Variants in NDUFA5 observed in about 807,000 individuals in gnomAD.
NDUFA5 encodes NADH:ubiquinone oxidoreductase subunit A5.
In NDUFA5, 11 loss-of-function variants were observed where a neutral mutation model predicts 19.8. The ratio of observed to expected loss-of-function variants is 0.56; its 90% CI spans 0.35 to 0.92. The LOEUF is 0.92. NDUFA5 is among the 40% of genes least tolerant of loss of function. The pLI is 0.01. For synonymous variants in NDUFA5, 47 were observed against 46.8 expected, an observed-to-expected ratio of 1.00 and a Z score of -0.01; for missense variants, 109 against 134.2, an observed-to-expected ratio of 0.81 and a Z score of 0.93.
At position 123,545,723 on chromosome 7, in the gene NDUFA5, T is replaced by G. The variant is rs112858174; in HGVS notation, c.184-47A>C. On this transcript the variant is annotated intron_variant, in intron 3 of 4. Transcript: ENST00000355749. ...AAATTAAAGAAGCATACTAACTGAA[T>G]GTTTCAATATCCTATATATTTTAAA... is the stretch of plus-strand genomic sequence containing the variant. The G allele has an allele frequency of 2.6e-3, 3,281 of 1,263,640 alleles. 69 individuals carry two copies. The African/African-American group carries it at 0.045, about 17-fold the overall frequency. The allele number at this position is 1,263,640 out of a possible 1,614,324, so 78.3% of individuals were successfully genotyped here. A position where few individuals can be genotyped will look rare whatever the true frequency, so the allele number is the denominator to read the frequency against.
chr7:123,564,823 CTT>C, the NDUFA5 span, among the ~76,000 whole-genome samples: 1 of 151,288 alleles, frequency 6.6e-6, no homozygotes, highest in Non-Finnish European at 1.5e-5. Context: ...GGATTTTTGA[CTT>C]ATGATATTTT....
At chr7:123,568,658 A>G in the NDUFA5 span, among the ~76,000 whole-genome samples, 2 of 152,230 alleles carry the variant, frequency 1.3e-5, no homozygotes, top group Non-Finnish European at 2.9e-5. Flanking sequence ...ATTTAAAAGC[A>G]AGAAAGAAAA....
rs1301784648 is a variant in NDUFA5, at chr7:123,537,448, T to A, written c.*4671A>T. The A allele has an allele frequency of 6.6e-6, 1 of 152,198 alleles. No individual in the cohort carries two copies. Among genetic ancestry groups the A allele is most frequent in the Non-Finnish European group, 1.5e-5 (1 of 68,018 alleles). 9.4% of individuals were successfully genotyped at this position (152,198 alleles called of 1,614,324 possible). A position where few individuals can be genotyped will look rare whatever the true frequency, so the allele number is the denominator to read the frequency against. ...TGAACTTGTTAAGAGAATGGAAATA[T>A]AGGTCTATTGTCCCTTTTCTGAAAC... is the stretch of plus-strand genomic sequence containing the variant. On this transcript the variant is annotated 3_prime_UTR_variant, in exon 5 of 5. Coordinates refer to ENST00000355749, the MANE Select transcript of NDUFA5 (RefSeq NM_005000.5).
At chr7:123,596,828 A>G in the NDUFA5 span, among the ~76,000 whole-genome samples, 1 of 152,226 alleles carries the variant, frequency 6.6e-6, no homozygotes, top group East Asian at 1.9e-4. Flanking sequence ...GAAAAGATCA[A>G]TTATTTTCAG....
intron 1 of NDUFA5, 35 bp from the exon 2 acceptor site, chr7:123,557,483 C>A (rs751686694): frequency 6.2e-7 from 1 of 1,612,948 alleles, no homozygotes; most frequent in East Asian, 2.2e-5. Flanking sequence ...ATGCTGTTTA[C>A]TACGGTTTCC....
chr7:123,586,943 ATCTTTG>A, the NDUFA5 span, among the ~76,000 whole-genome samples: 3,938 of 151,662 alleles, frequency 0.026, 160 homozygotes, highest in African/African-American at 0.09. Context: ...TGTTTACTAT[ATCTTTG>A]TCTTTGTATT....
chr7:123,547,559 C>A (rs1798181665), intron 3 of NDUFA5, among the ~76,000 whole-genome samples: 2 of 151,850 alleles, frequency 1.3e-5, no homozygotes, highest in Admixed American at 6.6e-5. Context: ...TAAAAAACAG[C>A]TGAAAGGGGG....
chr7:123,544,049 A>G (rs1258065862), intron 4 of NDUFA5, among the ~76,000 whole-genome samples: 2 of 152,254 alleles, frequency 1.3e-5, no homozygotes, highest in Non-Finnish European at 2.9e-5. Context: ...AATCAACAGT[A>G]AGAAAACATT....
At chr7:123,562,448 T>A (rs1798701455), upstream of NDUFA5, among the ~76,000 whole-genome samples, 1 of 152,240 alleles carries the variant, frequency 6.6e-6, no homozygotes, top group Non-Finnish European at 1.5e-5. Flanking sequence ...TCTACATTTT[T>A]AAAAATCTAT....
chr7:123,591,559 T>C, the NDUFA5 span, among the ~76,000 whole-genome samples: 1 of 152,198 alleles, frequency 6.6e-6, no homozygotes. Context: ...GAGATAATCA[T>C]GTGGTTTTTG....
chr7:123,572,457 C>G, the NDUFA5 span, among the ~76,000 whole-genome samples: 85 of 151,908 alleles, frequency 5.6e-4, 1 homozygote, highest in Admixed American at 1.4e-3. Context: ...CTTTATGTAG[C>G]CTGGATACTA....
chr7:123,574,676 A>G, the NDUFA5 span, among the ~76,000 whole-genome samples: 5 of 151,766 alleles, frequency 3.3e-5, no homozygotes, highest in South Asian at 1.0e-3. Context: ...TGCCAATTCC[A>G]TTTCTCCATC....
the NDUFA5 span, among the ~76,000 whole-genome samples, chr7:123,575,363 T>G: frequency 6.6e-6 from 1 of 152,090 alleles, no homozygotes; most frequent in Non-Finnish European, 1.5e-5. Context: ...GTTAAATATG[T>G]TCATACCTCT....
chr7:123,540,658 A>G lies in NDUFA5; in HGVS notation c.*1461T>C, dbSNP rs2117441927. ...AAACAGGCCAAACTTGCCTCAATGT[A>G]GTCATTGAGTTAACAACACTAGAAC... On this transcript the variant is annotated 3_prime_UTR_variant, in exon 5 of 5. Coordinates refer to ENST00000355749, the MANE Select transcript of NDUFA5 (RefSeq NM_005000.5). The G allele has an allele frequency of 6.6e-6, 1 of 152,234 alleles. No individual in the cohort carries two copies. Among genetic ancestry groups the G allele is most frequent in the Middle Eastern group, 3.4e-3 (1 of 294 alleles). The allele number at this position is 152,234 out of a possible 1,614,324, so 9.4% of individuals were successfully genotyped here. A position where few individuals can be genotyped will look rare whatever the true frequency, so the allele number is the denominator to read the frequency against.
At chr7:123,568,787 A>G in the NDUFA5 span, among the ~76,000 whole-genome samples, 1 of 152,200 alleles carries the variant, frequency 6.6e-6, no homozygotes, top group Admixed American at 6.5e-5. Context: ...CAAAATGGTA[A>G]CAAAACAGTA....
Position 123,540,890 on chromosome 7 carries a change from G to GCGCGCACACACACACACACACACA in NDUFA5, c.*1228_*1229insTGTGTGTGTGTGTGTGTGTGCGCG, listed in dbSNP as rs766305834. On this transcript the variant is annotated 3_prime_UTR_variant, in exon 5 of 5. Coordinates refer to ENST00000355749, the MANE Select transcript of NDUFA5 (RefSeq NM_005000.5). ...TCTGAGCAAATGTGCGCATGCGCGT[G>GCGCGCACACACACACACACACACA]CACACACACACACACACACACACAC... is the stretch of plus-strand genomic sequence containing the variant. 4.5e-5 allele frequency: 6 copies of GCGCGCACACACACACACACACACA among 133,830 alleles called. No individual in the cohort carries two copies. Among genetic ancestry groups the GCGCGCACACACACACACACACACA allele is most frequent in the East Asian group, 2.2e-4 (1 of 4,536 alleles). 8.3% of individuals were successfully genotyped at this position (133,830 alleles called of 1,614,324 possible).
In NDUFA5 at chr7:123,553,106, CTGTT is replaced by C. The variant is rs1798415538; in HGVS notation, c.67-2524_67-2521del. Among the ~76,000 whole-genome samples the C allele has an allele frequency of 5.9e-5, 9 of 152,324 alleles. No homozygotes were observed. The South Asian group carries it at 1.9e-3, about 32-fold the overall frequency. ...CAGTACTTCCATGTACAATACCACA[CTGTT>C]TGCGTATAAAGATAGACTGGACATG... On this transcript the variant is annotated intron_variant, in intron 2 of 4. Transcript: ENST00000355749.
At chr7:123,589,782 G>A in the NDUFA5 span, among the ~76,000 whole-genome samples, 1 of 152,112 alleles carries the variant, frequency 6.6e-6, no homozygotes, top group African/African-American at 2.4e-5. Flanking sequence ...ATAAACATAT[G>A]TGTGCATGTG....
the NDUFA5 span, among the ~76,000 whole-genome samples, chr7:123,575,620 A>G: frequency 6.6e-6 from 1 of 151,992 alleles, no homozygotes; most frequent in Non-Finnish European, 1.5e-5. Context: ...ATAGTTACCC[A>G]AGCCATTATT....
Sources: gnomAD v4.1 joint callset for allele counts (sites outside exome capture counted in the v4.1 genomes callset) on GRCh38, gnomAD v4.1.1 for gene constraint, MANE v1.5 for transcripts, NCBI Gene and HGNC (gene_info 2026-07-23, HGNC 2026-07-21) for gene names.